PCNT: variants seen among roughly 807,000 people sequenced by gnomAD.
The protein encoded by PCNT is pericentrin.
In PCNT, 319 loss-of-function variants were observed where a neutral mutation model predicts 380.4. The ratio of observed to expected loss-of-function variants is 0.84; its 90% CI spans 0.77 to 0.92. The LOEUF is 0.92. PCNT is among the 40% of genes least tolerant of loss of function. The pLI is 0.00. For synonymous variants in PCNT, 1,845 were observed against 1,735.2 expected (o/e 1.06, Z -1.57); for missense variants, 4,400 against 4,255.3 (o/e 1.03, Z -0.95).
chr21:46,342,296 A>G (rs1296510619), intron 3 of PCNT, among the ~76,000 whole-genome samples: 1 of 151,962 alleles, frequency 6.6e-6, no homozygotes, highest in Non-Finnish European at 1.5e-5. Context: ...TAGTAGAGAC[A>G]GGGTTTCACC....
intron 14 of PCNT, 106 bp from the exon 15 acceptor site, chr21:46,366,478 T>G (rs2084932466): frequency 2.2e-6 from 2 of 914,428 alleles, no homozygotes; most frequent in African/African-American, 3.2e-5. Flanking sequence ...AACGATGACC[T>G]GAACAGTTGA....
intron 6 of PCNT, among the ~76,000 whole-genome samples, chr21:46,348,582 T>C: frequency 6.6e-6 from 1 of 152,174 alleles, no homozygotes; most frequent in South Asian, 2.1e-4. Context: ...GTGTAAGGCC[T>C]GTCAGGACAG....
intron 38 of PCNT, among the ~76,000 whole-genome samples, chr21:46,435,436 G>A (rs1337900614): frequency 6.6e-6 from 1 of 151,864 alleles, no homozygotes; most frequent in East Asian, 1.9e-4. Context: ...ATGTTGGCCA[G>A]ACTGGTCTCG....
At chr21:46,436,298 A>C in intron 39 of PCNT, 150 bp downstream of exon 39, 1 of 925,320 alleles carries the variant, frequency 1.1e-6, no homozygotes, top group East Asian at 2.6e-5. Flanking sequence ...TTGCTGAGGG[A>C]TTCCGGATTG....
chr21:46,380,462 C>A (rs1440848026), intron 15 of PCNT, among the ~76,000 whole-genome samples: 1 of 151,716 alleles, frequency 6.6e-6, no homozygotes, highest in Non-Finnish European at 1.5e-5. Context: ...GCCCGGCCAA[C>A]CCTGGGTAGA....
At position 46,367,191 on chromosome 21, in the gene PCNT, T is replaced by A. The variant is rs2146928994; in HGVS notation, c.3165+52T>A. 3 of 1,493,232 alleles carry A rather than the reference T, an allele frequency of 2.0e-6. No homozygotes were observed. In the South Asian group the frequency reaches 3.4e-5, roughly 17 times the overall value. 92.5% of individuals were successfully genotyped at this position (1,493,232 alleles called of 1,614,324 possible). Reference sequence around the variant, plus strand: ...CCAGGGCAGGCCTCTCCTCGCTGCCTGTGTGTTTCCACCGCGTGTCACATG... The same window carrying A: ...CCAGGGCAGGCCTCTCCTCGCTGCCAGTGTGTTTCCACCGCGTGTCACATG... On this transcript the variant is annotated intron_variant, in intron 15 of 46. Coordinates refer to ENST00000359568, the MANE Select transcript of PCNT (RefSeq NM_006031.6).
intron 41 of PCNT, among the ~76,000 whole-genome samples, chr21:46,439,657 C>G (rs1434504279): frequency 5.9e-5 from 9 of 152,058 alleles, no homozygotes; most frequent in Non-Finnish European, 1.3e-4. Context: ...TATTTTTCAC[C>G]CACAGTTGGT....
intron 43 of PCNT, among the ~76,000 whole-genome samples, chr21:46,441,787 G>A (rs897401099): frequency 2.4e-4 from 36 of 152,024 alleles, no homozygotes; most frequent in African/African-American, 7.0e-4. Flanking sequence ...ACCTCCTGTC[G>A]AGGAGGGGAG....
chr21:46,351,365 G>C, intron 8 of PCNT, 64 bp from the exon 9 acceptor site: 1 of 873,320 alleles, frequency 1.1e-6, no homozygotes, highest in Admixed American at 1.7e-5. Context: ...AACCGCACAC[G>C]TCACTGCTGG....
chr21:46,361,227 A>C (rs549499955), intron 13 of PCNT, among the ~76,000 whole-genome samples: 1 of 152,248 alleles, frequency 6.6e-6, no homozygotes, highest in South Asian at 2.1e-4. Flanking sequence ...TTTACTAAAA[A>C]ATAAAATAAA....
chr21:46,405,872 T>A (rs1569262224), intron 27 of PCNT, among the ~76,000 whole-genome samples: 1 of 152,254 alleles, frequency 6.6e-6, no homozygotes, highest in Non-Finnish European at 1.5e-5. Context: ...GAAAGCTTTT[T>A]AAGGACAATC....
rs2087790536 is a variant in PCNT, at chr21:46,432,121, A to G, written c.8657A>G (p.Glu2886Gly). 1.2e-6 allele frequency: 2 copies of G among 1,613,980 alleles called. No homozygotes were observed. The highest frequency in any genetic ancestry group is 1.7e-6 in the Non-Finnish European group (2 of 1,180,046). ...TCACACCCACGGTTGAAAGAGCAAG[A>G]AGGACGCAAGGCTGCGAGGAGGAGC... The part of the protein sequence containing the change: ...EQSHPRLKEQ[E>G]GRKAARRSAE... Residue 2886 changes from glutamate to glycine, a missense_variant, in exon 38 of 47, where the codon GAA becomes GGA. Coordinates refer to ENST00000359568, the MANE Select transcript of PCNT (RefSeq NM_006031.6).
chr21:46,396,850 G>A (rs1027757411), intron 21 of PCNT, among the ~76,000 whole-genome samples: 5 of 152,100 alleles, frequency 3.3e-5, no homozygotes, highest in Non-Finnish European at 7.4e-5. Context: ...TGATCCACCC[G>A]CCTCGGCCTC....
chr21:46,418,194 C>A lies in PCNT; in HGVS notation c.6922-10C>A, dbSNP rs1308536976. 2.1e-6 allele frequency: 3 copies of A among 1,453,006 alleles called. No individual in the cohort carries two copies. The highest frequency in any genetic ancestry group is 2.3e-5 in the South Asian group (2 of 86,606). 90.0% of individuals were successfully genotyped at this position (1,453,006 alleles called of 1,614,324 possible). On this transcript the variant is annotated splice_polypyrimidine_tract_variant and intron_variant, in intron 30 of 46. Transcript: ENST00000359568. ...CATTATTTTATGACCATTTAAAAAT[C>A]TCTTAACAGGAGAAAGATGTCGAAG...
At chr21:46,341,793 C>T (rs2083916644) in intron 3 of PCNT, among the ~76,000 whole-genome samples, 1 of 152,122 alleles carries the variant, frequency 6.6e-6, no homozygotes, top group Non-Finnish European at 1.5e-5. Context: ...AGTCTTTCTA[C>T]TCAGCCTCCT....
At chr21:46,379,496 A>T (rs1233184618) in intron 15 of PCNT, among the ~76,000 whole-genome samples, 1 of 151,868 alleles carries the variant, frequency 6.6e-6, no homozygotes, top group Non-Finnish European at 1.5e-5. Context: ...TATTATTTTT[A>T]TTATTATTGT....
At chr21:46,428,709 A>C in intron 35 of PCNT, 119 bp downstream of exon 35, 1 of 914,710 alleles carries the variant, frequency 1.1e-6, no homozygotes. Context: ...CAAGCCCCTG[A>C]GTGTTGCCAT....
chr21:46,357,177 G>C lies in PCNT; in HGVS notation c.2140G>C (p.Asp714His). 1 of 1,612,002 alleles carries C rather than the reference G, an allele frequency of 6.2e-7. No individual in the cohort carries two copies. The highest frequency in any genetic ancestry group is 8.5e-7 in the Non-Finnish European group (1 of 1,178,014). ...GTTGCAGCATGAAACTCGTCTGAAG[G>C]ACGATTTGGAGAAGGTGAGTCGTGA... Reference protein sequence around the residue: ...GKLQHETRLKDDLEKVKHNLI... With the variant: ...GKLQHETRLKHDLEKVKHNLI... Residue 714 changes from aspartate (D) to histidine (H), a missense_variant, in exon 13 of 47, where the codon GAC becomes CAC. Transcript: ENST00000359568.
intron 8 of PCNT, 34 bp downstream of exon 8, chr21:46,349,854 A>G (rs1295410058): frequency 2.1e-5 from 34 of 1,604,470 alleles, no homozygotes; most frequent in Non-Finnish European, 2.9e-5. Flanking sequence ...ATTACTTGGT[A>G]TATTAGGGAA....
Sources: gnomAD v4.1 joint callset for allele counts (sites outside exome capture counted in the v4.1 genomes callset) on GRCh38, gnomAD v4.1.1 for gene constraint, MANE v1.5 for transcripts, NCBI Gene and HGNC (gene_info 2026-07-23, HGNC 2026-07-21) for gene names.